Variants in WIPF3 observed in about 807,000 individuals in gnomAD.
WIPF3 encodes the protein WAS/WASL interacting protein family member 3, also known as WAS/WASL-interacting protein family member 3.
Under a neutral mutation model 38.9 loss-of-function variants are expected in WIPF3, and 33 were observed. That is an observed-to-expected ratio of 0.85 (90% CI 0.64 to 1.14). The LOEUF is 1.14. Among genes scored for constraint, WIPF3 ranks in the 50% most tolerant of loss-of-function variants. The pLI, the probability that WIPF3 is intolerant of heterozygous loss-of-function variation, is 0.00. For synonymous variants in WIPF3, 324 were observed against 269.3 expected, an observed-to-expected ratio of 1.20 and a Z score of -1.99; for missense variants, 711 against 652.5, an observed-to-expected ratio of 1.09 and a Z score of -0.98.
At chr7:29,810,751 A>C (rs1304811556) in intron 1 of WIPF3, among the ~76,000 whole-genome samples, 1 of 152,224 alleles carries the variant, frequency 6.6e-6, no homozygotes, top group East Asian at 1.9e-4. Context: ...ACTATTTTGC[A>C]TGAATCTTAC....
intron 8 of WIPF3, among the ~76,000 whole-genome samples, chr7:29,908,871 GCA>G (rs1786450616): frequency 6.9e-6 from 1 of 145,080 alleles, no homozygotes; most frequent in Admixed American, 7.1e-5. Context: ...CCGTGCCATT[GCA>G]CTCTAGCCTG....
intron 1 of WIPF3, among the ~76,000 whole-genome samples, chr7:29,831,796 T>C: frequency 6.6e-6 from 1 of 152,182 alleles, no homozygotes; most frequent in East Asian, 1.9e-4. Context: ...AGAAAAGTCG[T>C]GGGCAGAAGG....
At chr7:29,886,731 C>G (rs542906250) in intron 5 of WIPF3, among the ~76,000 whole-genome samples, 19 of 152,160 alleles carry the variant, frequency 1.2e-4, no homozygotes, top group Non-Finnish European at 2.5e-4. Context: ...TGTGGAAACT[C>G]ACACCACTTG....
chr7:29,904,253 A>G (rs1786346427), intron 7 of WIPF3, 33 bp from the exon 8 acceptor site: 1 of 1,609,618 alleles, frequency 6.2e-7, no homozygotes, highest in Non-Finnish European at 8.5e-7. Flanking sequence ...TCCCTGGGCC[A>G]ATAGATAATG....
intron 2 of WIPF3, among the ~76,000 whole-genome samples, chr7:29,843,553 C>T (rs1473004740): frequency 2.6e-5 from 4 of 152,166 alleles, no homozygotes; most frequent in Non-Finnish European, 5.9e-5. Context: ...GCAATGATTC[C>T]TAACTGGAGC....
chr7:29,865,818 C>T (rs1390079651), intron 2 of WIPF3, among the ~76,000 whole-genome samples: 1 of 152,184 alleles, frequency 6.6e-6, no homozygotes, highest in African/African-American at 2.4e-5. Context: ...GACCCAGAGG[C>T]GTCTGTTGGA....
At chr7:29,854,037 T>TA (rs891724057) in intron 2 of WIPF3, among the ~76,000 whole-genome samples, 32 of 152,234 alleles carry the variant, frequency 2.1e-4, no homozygotes, top group African/African-American at 7.7e-4. Context: ...TGCACGCTGG[T>TA]AAACTCCCTA....
intron 7 of WIPF3, among the ~76,000 whole-genome samples, chr7:29,900,522 G>A (rs1295085800): frequency 6.6e-6 from 1 of 152,164 alleles, no homozygotes; most frequent in East Asian, 1.9e-4. Flanking sequence ...AGGAAGGAGT[G>A]ATGGAGGCTC....
chr7:29,896,444 A>G (rs1786145931), intron 7 of WIPF3, among the ~76,000 whole-genome samples: 1 of 152,092 alleles, frequency 6.6e-6, no homozygotes. Flanking sequence ...GCGAAACCCC[A>G]TCACTACAAA....
chr7:29,902,042 C>T (rs1008162594), intron 7 of WIPF3, among the ~76,000 whole-genome samples: 2 of 151,702 alleles, frequency 1.3e-5, no homozygotes, highest in Non-Finnish European at 2.9e-5. Flanking sequence ...GCATCTAGTG[C>T]GTAGAGACCG....
At chr7:29,904,459 T>G (rs760999095) in intron 8 of WIPF3, 97 bp downstream of exon 8, 78 of 1,279,850 alleles carry the variant, frequency 6.1e-5, no homozygotes, top group Non-Finnish European at 8.1e-5. Flanking sequence ...CAGCTTTATA[T>G]TTTTCCTCAC....
intron 7 of WIPF3, among the ~76,000 whole-genome samples, chr7:29,890,481 G>A (rs1785982857): frequency 6.6e-6 from 1 of 152,138 alleles, no homozygotes; most frequent in Non-Finnish European, 1.5e-5. Flanking sequence ...AGTGTCAAAT[G>A]CGTTCCCACC....
chr7:29,822,967 C>A (rs1442947642), intron 1 of WIPF3, among the ~76,000 whole-genome samples: 1 of 152,152 alleles, frequency 6.6e-6, no homozygotes, highest in African/African-American at 2.4e-5. Context: ...TCCAAGAAGC[C>A]ACCATATCCT....
intron 2 of WIPF3, among the ~76,000 whole-genome samples, chr7:29,873,090 G>A (rs1013110628): frequency 2.0e-5 from 3 of 152,162 alleles, no homozygotes; most frequent in Non-Finnish European, 4.4e-5. Flanking sequence ...GACATGCAAC[G>A]TTCTTCACAG....
intron 1 of WIPF3, among the ~76,000 whole-genome samples, chr7:29,819,060 T>C (rs1310144752): frequency 6.6e-6 from 1 of 152,198 alleles, no homozygotes; most frequent in East Asian, 1.9e-4. Flanking sequence ...GTCAGTAGTT[T>C]TCTTTTTTTA....
chr7:29,895,334 G>A (rs1373906498), intron 7 of WIPF3, among the ~76,000 whole-genome samples: 1 of 152,068 alleles, frequency 6.6e-6, no homozygotes, highest in Non-Finnish European at 1.5e-5. Context: ...TTGGGTATAG[G>A]CTAAAAAGAA....
At chr7:29,872,878 G>A (rs1253584557) in intron 2 of WIPF3, among the ~76,000 whole-genome samples, 2 of 149,830 alleles carry the variant, frequency 1.3e-5, no homozygotes, top group African/African-American at 2.5e-5. Context: ...CATCAGGGCC[G>A]ACACTGGAGC....
chr7:29,855,704 A>G (rs1785178073), intron 2 of WIPF3, among the ~76,000 whole-genome samples: 1 of 152,168 alleles, frequency 6.6e-6, no homozygotes, highest in African/African-American at 2.4e-5. Flanking sequence ...ATAGTTGCAA[A>G]CATGTACCAA....
Position 29,834,776 on chromosome 7 carries a change from C to A in WIPF3, c.52C>A (p.Leu18Met). 6.7e-7 allele frequency: 1 copy of A among 1,492,220 alleles called. No individual in the cohort carries two copies. Among genetic ancestry groups the A allele is most frequent in the East Asian group, 2.6e-5 (1 of 39,102 alleles). 92.4% of individuals were successfully genotyped at this position (1,492,220 alleles called of 1,614,324 possible). ...TCCTCTGCCTCCACCTCCCCCGCCT[C>A]TGGGGGCTCCTCCCCCTCCCCCACC... ...PPPLPPPPPP[L>M]GAPPPPPPSA... The change falls in exon 2 of 9, where the codon CTG (leucine) becomes ATG (methionine). Residue 18 changes from leucine to methionine, a missense_variant. Coordinates refer to ENST00000242140, the MANE Select transcript of WIPF3 (RefSeq NM_001080529.3).
Sources: gnomAD v4.1 joint callset for allele counts (sites outside exome capture counted in the v4.1 genomes callset) on GRCh38, gnomAD v4.1.1 for gene constraint, MANE v1.5 for transcripts, NCBI Gene and HGNC (gene_info 2026-07-23, HGNC 2026-07-21) for gene names.